CEMIP2: variants seen among roughly 807,000 people sequenced by gnomAD.
CEMIP2 encodes cell surface hyaluronidase CEMIP2.
CEMIP2 carries 79 observed loss-of-function variants against 146.9 expected under a neutral mutation model. The ratio of observed to expected loss-of-function variants is 0.54; its 90% CI spans 0.45 to 0.65. The LOEUF is 0.65. CEMIP2 is among the 30% of genes least tolerant of loss of function. CEMIP2 has a pLI of 0.00. For missense variants in CEMIP2, 1,596 were observed against 1,696.2 expected, an observed-to-expected ratio of 0.94 and a Z score of 1.04; for synonymous variants, 601 against 606.3, an observed-to-expected ratio of 0.99 and a Z score of 0.13.
chr9:71,761,006 G>A (rs528907784), intron 1 of CEMIP2, among the ~76,000 whole-genome samples: 6 of 151,756 alleles, frequency 4.0e-5, no homozygotes, highest in East Asian at 1.9e-4. Flanking sequence ...ATCCCCCTTC[G>A]CCCTTGTTCT....
intron 13 of CEMIP2, among the ~76,000 whole-genome samples, chr9:71,716,944 G>C (rs1823073379): frequency 6.6e-6 from 1 of 152,206 alleles, no homozygotes; most frequent in Non-Finnish European, 1.5e-5. Context: ...GGCTGAGGCA[G>C]GAGAATCGCT....
chr9:71,709,293 C>G lies in CEMIP2; in HGVS notation c.2951G>C (p.Trp984Ser), dbSNP rs1329415102. The G allele has an allele frequency of 1.9e-6, 3 of 1,614,158 alleles. No homozygotes were observed. Among genetic ancestry groups the G allele is most frequent in the Non-Finnish European group, 2.5e-6 (3 of 1,180,018 alleles). Residue 984 changes from tryptophan to serine, a missense_variant, in exon 17 of 24, where the codon TGG becomes TCG. Physicochemically the swap from Trp to Ser is radical, Grantham distance 177. Coordinates refer to ENST00000377044, the MANE Select transcript of CEMIP2 (RefSeq NM_013390.3). Reference protein sequence around the residue: ...RHPSCVNVSKWNAVICSGTYA... With the variant: ...RHPSCVNVSKSNAVICSGTYA... ...GGTCCCACTGCAGATCACTGCATTCCACTTAGACACATTTACACAGCTTGG... is the reference window on the plus strand; with the variant it reads ...GGTCCCACTGCAGATCACTGCATTCGACTTAGACACATTTACACAGCTTGG...
intron 19 of CEMIP2, 105 bp downstream of exon 19, chr9:71,700,537 C>G: frequency 8.6e-7 from 1 of 1,156,082 alleles, no homozygotes; most frequent in Admixed American, 2.5e-5. Context: ...CAGAGAATTA[C>G]CCACATCAGC....
chr9:71,737,214 A>C (rs751059596), intron 5 of CEMIP2, among the ~76,000 whole-genome samples: 1 of 150,786 alleles, frequency 6.6e-6, no homozygotes, highest in East Asian at 1.9e-4. Flanking sequence ...GCACTTTGGG[A>C]GGTCAAGGTG....
At chr9:71,758,269 A>G (rs1435920875) in intron 1 of CEMIP2, among the ~76,000 whole-genome samples, 1 of 152,182 alleles carries the variant, frequency 6.6e-6, no homozygotes, top group Non-Finnish European at 1.5e-5. Flanking sequence ...TTAGACCTCT[A>G]AACAGGTGTG....
rs758198501 is a variant in CEMIP2 at position 71,730,741 on chromosome 9, T to C, written c.1737A>G (p.Ser579=). The C allele has an allele frequency of 2.5e-6, 4 of 1,613,074 alleles. No homozygotes were observed. The highest frequency in any genetic ancestry group is 3.4e-6 in the Non-Finnish European group (4 of 1,179,140). ...TTGTCCCATGCACAGTGATGCACCT[T>C]GAGAAGCTGTGATGAATAGACAGGC... ...VDGLSIHHSF[S]RCITVHGTNG... The change falls in exon 8 of 24, where the codon TCA becomes TCG. Residue 579 remains serine, a synonymous_variant. Coordinates refer to ENST00000377044, the MANE Select transcript of CEMIP2 (RefSeq NM_013390.3).
At chr9:71,720,761 ACTAGTT>A (rs1564008283) in intron 12 of CEMIP2, among the ~76,000 whole-genome samples, 2 of 152,236 alleles carry the variant, frequency 1.3e-5, no homozygotes, top group South Asian at 4.1e-4. Flanking sequence ...TAGTCTAAAC[ACTAGTT>A]CAGTATATGC....
chr9:71,743,207 C>T (rs1385275117), intron 4 of CEMIP2, among the ~76,000 whole-genome samples: 1 of 152,106 alleles, frequency 6.6e-6, no homozygotes. Context: ...AACAGGCAAA[C>T]CTAAACTTTA....
rs1286562768 is a variant in CEMIP2 at position 71,728,501 on chromosome 9, C to T, written c.2049+1344G>A. Among the ~76,000 whole-genome samples, 3 of 149,756 alleles carry T rather than the reference C, an allele frequency of 2.0e-5. No individual in the cohort carries two copies. In the East Asian group the frequency reaches 5.9e-4, roughly 30 times the overall value. On this transcript the variant is annotated intron_variant, in intron 10 of 23. Transcript: ENST00000377044. ...TGTCTCAGGGAGAAAAAAAAAGATTCATTTAGGTTTTAAATGAGCAGTTTT... is the reference window on the plus strand; with the variant it reads ...TGTCTCAGGGAGAAAAAAAAAGATTTATTTAGGTTTTAAATGAGCAGTTTT...
intron 18 of CEMIP2, among the ~76,000 whole-genome samples, chr9:71,701,914 C>T (rs555461527): frequency 6.6e-6 from 1 of 152,224 alleles, no homozygotes; most frequent in Non-Finnish European, 1.5e-5. Flanking sequence ...ATTTCCCAAA[C>T]TTTTTTGTCA....
intron 12 of CEMIP2, among the ~76,000 whole-genome samples, chr9:71,721,101 C>T (rs1010371962): frequency 6.6e-6 from 1 of 151,992 alleles, no homozygotes; most frequent in South Asian, 2.1e-4. Context: ...AATATATATA[C>T]ATAAATAAGT....
Position 71,734,843 on chromosome 9 carries a change from G to A in CEMIP2, c.1356C>T (p.Pro452=), listed in dbSNP as rs1823717027. 5 of 1,613,562 alleles carry A rather than the reference G, an allele frequency of 3.1e-6. No individual in the cohort carries two copies. The highest frequency in any genetic ancestry group is 4.2e-6 in the Non-Finnish European group (5 of 1,179,744). The change falls in exon 6 of 24, where the codon CCC becomes CCT. Residue 452 remains proline (P), a synonymous_variant. Coordinates refer to ENST00000377044, the MANE Select transcript of CEMIP2 (RefSeq NM_013390.3). ...CCTGAAAATGGCTGCATTCAGAACA[G>A]GGAAGAAGAGTGAACTCCTCTGCTT... is the stretch of plus-strand genomic sequence containing the variant. ...MYQAEEFTLL[P]CSECSHFQVK... is the part of the protein sequence containing the mutation.
chr9:71,745,649 C>T, intron 3 of CEMIP2, 70 bp from the exon 4 acceptor site: 1 of 1,443,464 alleles, frequency 6.9e-7, no homozygotes, highest in Non-Finnish European at 9.2e-7. Context: ...ATAGATTTCA[C>T]CTTAAGTTAA....
chr9:71,700,798 C>T lies in CEMIP2; in HGVS notation c.3221G>A (p.Cys1074Tyr), dbSNP rs368397010. 1 of 1,608,822 alleles carries T rather than the reference C, an allele frequency of 6.2e-7. No individual in the cohort carries two copies. The highest frequency in any genetic ancestry group is 8.5e-7 in the Non-Finnish European group (1 of 1,178,844). Reference protein sequence around the residue: ...NKNDWIRVGLCYPSNTSFQVT... With the variant: ...NKNDWIRVGLYYPSNTSFQVT... Reference sequence around the variant, plus strand: ...TTGAAAACTTGTGTTTGATGGATAGCAAAGGCCAACTCGAATCCAGTCATT... The same window carrying T: ...TTGAAAACTTGTGTTTGATGGATAGTAAAGGCCAACTCGAATCCAGTCATT... The change falls in exon 19 of 24, where the codon TGC becomes TAC. Residue 1074 changes from cysteine (C) to tyrosine (Y), a missense_variant. By Grantham distance (194) the Cys-to-Tyr change is radical. Coordinates refer to ENST00000377044, the MANE Select transcript of CEMIP2 (RefSeq NM_013390.3).
Position 71,729,918 on chromosome 9 carries a change from C to A in CEMIP2, c.1980-4G>T, listed in dbSNP as rs374448359. The A allele has an allele frequency of 1.7e-4, 282 of 1,613,986 alleles. No individual in the cohort carries two copies. Among genetic ancestry groups the A allele is most frequent in the Admixed American group, 2.3e-4 (14 of 59,994 alleles). On this transcript the variant is annotated splice_region_variant and splice_polypyrimidine_tract_variant and intron_variant, in intron 9 of 23. Transcript: ENST00000377044. ...AATCCAGAAAGTTGAAACAGCCCTG[C>A]AAGGCATTTTTCAAGGTGATTTAAA...
At chr9:71,747,613 T>C (rs567319080) in intron 2 of CEMIP2, among the ~76,000 whole-genome samples, 25 of 152,270 alleles carry the variant, frequency 1.6e-4, no homozygotes, top group Admixed American at 5.9e-4. Flanking sequence ...TGAAAAACCA[T>C]AGGAAGAAAT....
intron 10 of CEMIP2, among the ~76,000 whole-genome samples, chr9:71,726,660 A>G (rs2131950837): frequency 6.6e-6 from 1 of 152,348 alleles, no homozygotes; most frequent in South Asian, 2.1e-4. Flanking sequence ...GAGAGATGAG[A>G]GAGGAATTAT....
At chr9:71,766,590 T>A (rs891181357) in intron 1 of CEMIP2, among the ~76,000 whole-genome samples, 11 of 152,226 alleles carry the variant, frequency 7.2e-5, no homozygotes, top group Middle Eastern at 3.2e-3. Context: ...TTTCCTGTTA[T>A]GAATCTGACA....
chr9:71,691,087 T>A (rs72737956), intron 21 of CEMIP2, among the ~76,000 whole-genome samples: 2,192 of 152,324 alleles, frequency 0.014, 28 homozygotes, highest in Middle Eastern at 0.024. Context: ...GAAATTATAA[T>A]ATTTAAATTT....
Sources: allele counts gnomAD v4.1 joint callset (sites outside exome capture counted in the v4.1 genomes callset), GRCh38; gene constraint gnomAD v4.1.1; transcripts MANE v1.5; gene names NCBI Gene and HGNC (gene_info 2026-07-23, HGNC 2026-07-21).